MDGA2: variants seen among roughly 807,000 people sequenced by gnomAD.
The protein encoded by MDGA2 is MAM domain containing glycosylphosphatidylinositol anchor 2, also known as MAM domain-containing glycosylphosphatidylinositol anchor protein 2.
Under a neutral mutation model 117.8 loss-of-function variants are expected in MDGA2, and 40 were observed. That is an observed-to-expected ratio of 0.34 (90% CI 0.26 to 0.44). MDGA2 has a LOEUF of 0.44. Among genes scored for constraint, MDGA2 ranks in the 20% least tolerant of loss-of-function variants. The pLI is 1.00. For missense variants in MDGA2, 1,123 were observed against 1,250.6 expected (o/e 0.90, Z 1.54); for synonymous variants, 452 against 439.0 (o/e 1.03, Z -0.37).
In MDGA2 at chr14:47,502,307, A is replaced by G. The variant is rs183558404; in HGVS notation, c.280+172210T>C. Among the ~76,000 whole-genome samples, 253 of 152,320 alleles carry G rather than the reference A, an allele frequency of 1.7e-3. 1 individual carries two copies. The highest frequency in any genetic ancestry group is 5.7e-3 in the African/African-American group (236 of 41,582). Reference sequence around the variant, plus strand: ...GTCAATGCAATCCAGACTGGGTGACAGAGTGAGACCCTCATTTCTAAAAAT... The same window carrying G: ...GTCAATGCAATCCAGACTGGGTGACGGAGTGAGACCCTCATTTCTAAAAAT... On this transcript the variant is annotated intron_variant, in intron 1 of 16. Transcript: ENST00000399232.
At chr14:47,254,846 G>A (rs1887564674) in intron 2 of MDGA2, among the ~76,000 whole-genome samples, 1 of 152,182 alleles carries the variant, frequency 6.6e-6, no homozygotes, top group Non-Finnish European at 1.5e-5. Context: ...GGAGGCCTCA[G>A]GAAACTTACA....
intron 1 of MDGA2, among the ~76,000 whole-genome samples, chr14:47,598,669 G>A (rs941952753): frequency 6.6e-6 from 1 of 152,028 alleles, no homozygotes; most frequent in Non-Finnish European, 1.5e-5. Context: ...AGGCTAGGAG[G>A]AAAAAGGGAA....
chr14:47,400,355 C>A (rs956533623), intron 1 of MDGA2, among the ~76,000 whole-genome samples: 18 of 152,044 alleles, frequency 1.2e-4, no homozygotes, highest in African/African-American at 4.3e-4. Context: ...TTGTTTTCTG[C>A]AACTTATCTT....
At chr14:47,104,643 C>A (rs976309004) in intron 5 of MDGA2, among the ~76,000 whole-genome samples, 4 of 152,046 alleles carry the variant, frequency 2.6e-5, no homozygotes, top group Admixed American at 6.5e-5. Context: ...TCACACAAAG[C>A]CTGTTTGGTG....
At chr14:47,658,667 A>G (rs994974078) in intron 1 of MDGA2, among the ~76,000 whole-genome samples, 2 of 152,118 alleles carry the variant, frequency 1.3e-5, no homozygotes, top group Non-Finnish European at 2.9e-5. Flanking sequence ...CTGCATGAAG[A>G]AGACATCCAC....
chr14:47,528,157 C>T (rs746499202), intron 1 of MDGA2, among the ~76,000 whole-genome samples: 43 of 152,152 alleles, frequency 2.8e-4, no homozygotes, highest in Non-Finnish European at 4.4e-4. Flanking sequence ...AGAACTGAGG[C>T]CAGGTCAGGC....
chr14:47,442,340 C>G (rs1206391080), intron 1 of MDGA2, among the ~76,000 whole-genome samples: 9 of 152,024 alleles, frequency 5.9e-5, no homozygotes, highest in Non-Finnish European at 1.5e-5. Flanking sequence ...GAAGAGAGAC[C>G]TACATGAGAG....
rs766836421 is a variant in MDGA2, at chr14:46,920,040, A to G, written c.2210T>C (p.Ile737Thr). 5.0e-6 allele frequency: 8 copies of G among 1,590,104 alleles called. No homozygotes were observed. The highest frequency in any genetic ancestry group is 6.0e-6 in the Non-Finnish European group (7 of 1,171,048). The change falls in exon 10 of 17, where the codon ATT becomes ACT. Residue 737 changes from isoleucine to threonine, a missense_variant. Around this residue, in one of 2 missense-constraint regions of MDGA2, gnomAD observed 890 missense variants for 1,050.3 expected, o/e 0.85. Coordinates refer to ENST00000399232, the MANE Select transcript of MDGA2 (RefSeq NM_001113498.3). ...TQMNPDAVDR[I>T]VAYRLGIRQA... ...CCTGATGCCCAACCGGTATGCAACA[A>G]TCCGATCCACTGCATCAGGATTCAT... is the stretch of plus-strand genomic sequence containing the variant.
At chr14:47,614,387 G>A (rs564651288) in intron 1 of MDGA2, among the ~76,000 whole-genome samples, 1 of 152,164 alleles carries the variant, frequency 6.6e-6, no homozygotes, top group South Asian at 2.1e-4. Context: ...ATCGCATCCG[G>A]CCACTTTTTC....
intron 2 of MDGA2, among the ~76,000 whole-genome samples, chr14:47,222,506 A>G (rs1309940989): frequency 6.6e-6 from 1 of 152,154 alleles, no homozygotes; most frequent in East Asian, 1.9e-4. Flanking sequence ...GAAAGTTACA[A>G]TACAGCTTTC....
chr14:47,355,855 G>T (rs1306705181), intron 1 of MDGA2, among the ~76,000 whole-genome samples: 1 of 152,152 alleles, frequency 6.6e-6, no homozygotes, highest in Non-Finnish European at 1.5e-5. Context: ...GAAGCTAGGA[G>T]GCAGATGCTT....
chr14:47,609,409 T>A (rs1323029705), intron 1 of MDGA2, among the ~76,000 whole-genome samples: 2 of 83,314 alleles, frequency 2.4e-5, no homozygotes, highest in Non-Finnish European at 5.1e-5. Flanking sequence ...TCCTTTTCTA[T>A]GGCTGAGTAG....
At chr14:47,065,227 T>C (rs1890038820) in intron 6 of MDGA2, among the ~76,000 whole-genome samples, 1 of 152,154 alleles carries the variant, frequency 6.6e-6, no homozygotes, top group Non-Finnish European at 1.5e-5. Context: ...GTGAATTGAA[T>C]ACAGGCTTGG....
At chr14:47,328,508 C>A (rs1890205814) in intron 1 of MDGA2, among the ~76,000 whole-genome samples, 1 of 152,114 alleles carries the variant, frequency 6.6e-6, no homozygotes, top group East Asian at 1.9e-4. Context: ...TTACAATTTG[C>A]ACGTTTTATG....
At chr14:47,044,013 G>A (rs1437556368) in intron 7 of MDGA2, among the ~76,000 whole-genome samples, 1 of 151,812 alleles carries the variant, frequency 6.6e-6, no homozygotes, top group African/African-American at 2.4e-5. Context: ...ATGTCCTGAT[G>A]TAAGCATCAG....
At chr14:47,641,762 C>A (rs1897429737) in intron 1 of MDGA2, among the ~76,000 whole-genome samples, 1 of 152,028 alleles carries the variant, frequency 6.6e-6, no homozygotes, top group African/African-American at 2.4e-5. Flanking sequence ...GCTGTAATAC[C>A]TCATCTGCAT....
intron 1 of MDGA2, among the ~76,000 whole-genome samples, chr14:47,369,545 T>G (rs1891300504): frequency 6.6e-6 from 1 of 152,098 alleles, no homozygotes; most frequent in Admixed American, 6.6e-5. Context: ...CCCTCCACCC[T>G]GCAGTCCTCC....
chr14:47,605,098 A>C (rs1349449048), intron 1 of MDGA2, among the ~76,000 whole-genome samples: 1 of 151,480 alleles, frequency 6.6e-6, no homozygotes, highest in Non-Finnish European at 1.5e-5. Flanking sequence ...CTTTTCCCCC[A>C]TAGTTTAAAA....
intron 1 of MDGA2, among the ~76,000 whole-genome samples, chr14:47,644,426 T>C (rs996388898): frequency 3.3e-5 from 5 of 152,152 alleles, no homozygotes; most frequent in Non-Finnish European, 7.4e-5. Context: ...TAAGGATGAA[T>C]CTGTAGGACA....
Sources: gnomAD v4.1 joint callset for allele counts (sites outside exome capture counted in the v4.1 genomes callset) on GRCh38, gnomAD v4.1.1 for gene constraint, gnomAD v4.1.1 regional missense constraint, MANE v1.5 for transcripts, NCBI Gene and HGNC (gene_info 2026-07-23, HGNC 2026-07-21) for gene names.